Variants in TCF7 observed in about 807,000 individuals in gnomAD.
The protein encoded by TCF7 is transcription factor 7.
Under a neutral mutation model 46.8 loss-of-function variants are expected in TCF7, and 19 were observed. The observed-to-expected ratio is 0.41, with a 90% CI of 0.28 to 0.60. The LOEUF (loss-of-function observed/expected upper bound fraction) is 0.60, where lower values mean the gene tolerates loss of function less well. TCF7 is among the 20% of genes least tolerant of loss of function. The pLI, the probability that TCF7 is intolerant of heterozygous loss-of-function variation, is 0.35. For synonymous variants in TCF7, 245 were observed against 213.4 expected, an observed-to-expected ratio of 1.15 and a Z score of -1.29; for missense variants, 547 against 504.6, an observed-to-expected ratio of 1.08 and a Z score of -0.81.
In TCF7 at chr5:134,146,924, A is replaced by G. The variant is rs1043307039; in HGVS notation, c.*621A>G. On this transcript the variant is annotated 3_prime_UTR_variant, in exon 10 of 10. Coordinates refer to ENST00000342854, the MANE Select transcript of TCF7 (RefSeq NM_003202.5). ...CACACCCTCCCCATTCAGACACTTC[A>G]TGGACCAAGAATGAGCTGGTTTGTC... The G allele has an allele frequency of 4.4e-6, 1 of 225,568 alleles. No individual in the cohort carries two copies. Among genetic ancestry groups the G allele is most frequent in the African/African-American group, 2.4e-5 (1 of 42,500 alleles). 14.0% of individuals were successfully genotyped at this position (225,568 alleles called of 1,614,324 possible).
chr5:134,111,368 C>T (rs1282405832), upstream of TCF7, among the ~76,000 whole-genome samples: 1 of 152,194 alleles, frequency 6.6e-6, no homozygotes, highest in Non-Finnish European at 1.5e-5. Context: ...ATCCAGAAGA[C>T]TCTGGGGCCT....
At chr5:134,130,082 C>T (rs1757908894) in intron 3 of TCF7, among the ~76,000 whole-genome samples, 1 of 152,240 alleles carries the variant, frequency 6.6e-6, no homozygotes, top group Admixed American at 6.5e-5. Flanking sequence ...AGCACCGTGT[C>T]CTGGGCAGTG....
At chr5:134,145,312 A>G in intron 9 of TCF7, 1 of 538,684 alleles carries the variant, frequency 1.9e-6, no homozygotes, top group Non-Finnish European at 3.7e-6. Context: ...AAGCAAGGTG[A>G]CAACAACACA....
chr5:134,117,371 A>G (rs1444721286), intron 3 of TCF7, among the ~76,000 whole-genome samples: 1 of 152,212 alleles, frequency 6.6e-6, no homozygotes, highest in African/African-American at 2.4e-5. Flanking sequence ...GGATCCCTAC[A>G]AGATGTAAAT....
At chr5:134,145,880 TG>T (rs1279141861) in intron 9 of TCF7, 55 of 1,581,900 alleles carry the variant, frequency 3.5e-5, no homozygotes, top group Non-Finnish European at 4.6e-5. Flanking sequence ...TTGGTGCAGA[TG>T]TGAGTCCCAC....
intron 9 of TCF7, chr5:134,145,184 C>T (rs539467935): frequency 5.1e-4 from 305 of 600,408 alleles, no homozygotes; most frequent in African/African-American, 3.3e-3. Flanking sequence ...TCAGCCACCA[C>T]TAAGGGGGCC....
intron 9 of TCF7, chr5:134,143,925 C>A: frequency 2.4e-6 from 1 of 412,586 alleles, no homozygotes; most frequent in Non-Finnish European, 4.4e-6. Context: ...TAGCTCCACT[C>A]ACCAGAGAAA....
Position 134,146,788 on chromosome 5 carries a change from C to T in TCF7, c.*485C>T. 2.0e-6 allele frequency: 1 copy of T among 502,810 alleles called. No individual in the cohort carries two copies. 31.1% of individuals were successfully genotyped at this position (502,810 alleles called of 1,614,324 possible). Reference sequence around the variant, plus strand: ...TGCCTGCATCTATTCTTTGTACCATCTGTCTTGCCAGCCAGAAGCCTCTGC... The same window carrying T: ...TGCCTGCATCTATTCTTTGTACCATTTGTCTTGCCAGCCAGAAGCCTCTGC... On this transcript the variant is annotated 3_prime_UTR_variant, in exon 10 of 10. Coordinates refer to ENST00000342854, the MANE Select transcript of TCF7 (RefSeq NM_003202.5).
Position 134,115,328 on chromosome 5 carries a change from G to A in TCF7, c.257G>A (p.Gly86Glu). The A allele has an allele frequency of 1.3e-6, 2 of 1,588,878 alleles. No individual in the cohort carries two copies. Among genetic ancestry groups the A allele is most frequent in the Non-Finnish European group, 1.7e-6 (2 of 1,168,842 alleles). Residue 86 changes from glycine to glutamate, a missense_variant, in exon 2 of 10, where the codon GGG becomes GAG. Gly to Glu is a moderately conservative substitution (Grantham distance 98). Around this residue, in one of 3 missense-constraint regions of TCF7, gnomAD observed 425 missense variants for 349.9 expected, o/e 1.21. Coordinates refer to ENST00000342854, the MANE Select transcript of TCF7 (RefSeq NM_003202.5). Reference protein sequence around the residue: ...AGARGEAEALGREHAAQRLFP... With the variant: ...AGARGEAEALEREHAAQRLFP... ...CTCCGGTTCTCCCTCCAGGCTCTCG[G>A]GCGGGAACACGCTGCGCAGAGACTC...
chr5:134,131,164 G>A (rs146057406), intron 3 of TCF7, among the ~76,000 whole-genome samples: 7 of 152,320 alleles, frequency 4.6e-5, no homozygotes, highest in African/African-American at 9.6e-5. Flanking sequence ...AGCACAGAGT[G>A]AGAAGGGGAG....
At chr5:134,139,578 G>A (rs1014266687) in intron 5 of TCF7, 3 of 153,914 alleles carry the variant, frequency 1.9e-5, no homozygotes, top group African/African-American at 7.2e-5. Context: ...AGATTCTTAA[G>A]GCTGGACCAG....
At chr5:134,143,285 C>T (rs779151142) in intron 8 of TCF7, 185 bp downstream of exon 8, 2 of 757,100 alleles carry the variant, frequency 2.6e-6, no homozygotes, top group Non-Finnish European at 4.7e-6. Flanking sequence ...CTATTCTCCA[C>T]TCCAGAATAT....
chr5:134,117,415 C>T (rs1423560281), intron 3 of TCF7, among the ~76,000 whole-genome samples: 1 of 152,200 alleles, frequency 6.6e-6, no homozygotes, highest in African/African-American at 2.4e-5. Flanking sequence ...TTGACATAAC[C>T]CACCAGTGCC....
chr5:134,120,748 A>T (rs1379552139), intron 3 of TCF7, among the ~76,000 whole-genome samples: 2 of 151,830 alleles, frequency 1.3e-5, no homozygotes. Context: ...AGCCCTGGCA[A>T]CTCTTCGGGC....
chr5:134,120,367 C>G (rs1055194467), intron 3 of TCF7, among the ~76,000 whole-genome samples: 2 of 152,110 alleles, frequency 1.3e-5, no homozygotes, highest in Non-Finnish European at 2.9e-5. Context: ...AGAGTCAGAT[C>G]ACATCTCTCA....
Position 134,114,965 on chromosome 5 carries a change from C to T in TCF7, c.59C>T (p.Pro20Leu). The change falls in exon 1 of 10, where the codon CCG (proline) becomes CTG (leucine). Residue 20 changes from proline (P) to leucine (L), a missense_variant. Transcript: ENST00000342854. ...GAGGGDDLGA[P>L]DELLAFQDEG... Reference sequence around the variant, plus strand: ...GGCGGCGGCGACGACCTCGGCGCGCCGGACGAGCTGCTGGCCTTCCAGGAT... The same window carrying T: ...GGCGGCGGCGACGACCTCGGCGCGCTGGACGAGCTGCTGGCCTTCCAGGAT... 8.5e-7 allele frequency: 1 copy of T among 1,174,354 alleles called. No individual in the cohort carries two copies. The highest frequency in any genetic ancestry group is 1.1e-6 in the Non-Finnish European group (1 of 929,150). 72.7% of individuals were successfully genotyped at this position (1,174,354 alleles called of 1,614,324 possible). A position where few individuals can be genotyped will look rare whatever the true frequency, so the allele number is the denominator to read the frequency against.
At chr5:134,116,132 C>T (rs1234724538) in intron 3 of TCF7, 99 bp downstream of exon 3, 8 of 1,475,922 alleles carry the variant, frequency 5.4e-6, no homozygotes, top group Non-Finnish European at 7.2e-6. Context: ...ACAAAATAGA[C>T]GAGACTCCTG....
chr5:134,142,790 C>T lies in TCF7; in HGVS notation c.825C>T (p.Ala275=). 18 of 1,614,196 alleles carry T rather than the reference C, an allele frequency of 1.1e-5. No individual in the cohort carries two copies. Among genetic ancestry groups the T allele is most frequent in the Non-Finnish European group, 1.5e-5 (18 of 1,180,026 alleles). Residue 275 remains alanine, a synonymous_variant, in exon 7 of 10, where the codon GCC becomes GCT. Transcript: ENST00000342854. ...CAACCATCAAGAAGCCCCTCAATGC[C>T]TTCATGCTGTACATGAAGGAGATGA... The part of the protein sequence containing the change: ...KKPTIKKPLN[A]FMLYMKEMRA...
upstream of TCF7, among the ~76,000 whole-genome samples, chr5:134,112,121 A>T (rs1410450717): frequency 1.3e-5 from 2 of 152,142 alleles, no homozygotes; most frequent in East Asian, 3.9e-4. Flanking sequence ...AACAAATCAG[A>T]GCTCTTGTTC....
Sources: allele counts gnomAD v4.1 joint callset (sites outside exome capture counted in the v4.1 genomes callset), GRCh38; gene constraint gnomAD v4.1.1; regional missense constraint gnomAD v4.1.1; transcripts MANE v1.5; gene names NCBI Gene and HGNC (gene_info 2026-07-23, HGNC 2026-07-21).